ZNF829: variants seen among roughly 807,000 people sequenced by gnomAD.
ZNF829 encodes zinc finger protein 829.
Under a neutral mutation model 35.2 loss-of-function variants are expected in ZNF829, and 25 were observed. That is an observed-to-expected ratio of 0.71 (90% CI 0.52 to 0.99). ZNF829 has a LOEUF of 0.99. Ranked by LOEUF, ZNF829 falls within the 50% of genes least tolerant of loss-of-function variation. The pLI, the probability that ZNF829 is intolerant of heterozygous loss-of-function variation, is 0.00. For synonymous variants in ZNF829, 136 were observed against 163.2 expected (o/e 0.83, Z 1.27); for missense variants, 417 against 515.3 (o/e 0.81, Z 1.85).
intron 3 of ZNF829, among the ~76,000 whole-genome samples, chr19:36,910,999 G>A (rs2073259802): frequency 6.6e-6 from 1 of 152,016 alleles, no homozygotes; most frequent in African/African-American, 2.4e-5. Context: ...AGAGTGAAAC[G>A]CCATCTCAAA....
At chr19:36,910,667 T>A (rs2146249056) in intron 3 of ZNF829, among the ~76,000 whole-genome samples, 1 of 152,274 alleles carries the variant, frequency 6.6e-6, no homozygotes, top group East Asian at 1.9e-4. Flanking sequence ...CCTTGCCCTA[T>A]GCATCTCTTC....
At chr19:36,911,012 CAACA>C (rs1176316337) in intron 3 of ZNF829, among the ~76,000 whole-genome samples, 1 of 151,988 alleles carries the variant, frequency 6.6e-6, no homozygotes. Context: ...ATCTCAAAAC[CAACA>C]AACAAAGAAA....
chr19:36,901,738 C>T (rs944941254), intron 5 of ZNF829: 27 of 504,206 alleles, frequency 5.4e-5, no homozygotes, highest in Non-Finnish European at 9.4e-5. Flanking sequence ...TTGGATCCGG[C>T]AGAATGGCTC....
At chr19:36,901,940 A>G in intron 5 of ZNF829, 4 of 760,812 alleles carry the variant, frequency 5.3e-6, no homozygotes, top group Admixed American at 3.4e-5. Flanking sequence ...CACTGATACC[A>G]GGCTCAACAA....
rs201611021 is a variant in ZNF829, at chr19:36,908,448, C to T, written c.108G>A (p.Met36Ile). 2.2e-4 allele frequency: 344 copies of T among 1,598,872 alleles called. 2 individuals carry two copies. Among genetic ancestry groups the T allele is most frequent in the Non-Finnish European group, 2.8e-4 (324 of 1,174,286 alleles). The change falls in exon 4 of 6, where the codon ATG (methionine) becomes ATA (isoleucine). Residue 36 changes from methionine to isoleucine, a missense_variant. Physicochemically the swap from Met to Ile is conservative, Grantham distance 10. Transcript: ENST00000391711. ...LLQAVSKGPV[M>I]FRDVSIDFSQ... ...AGAAGTCTATGGAAACATCCCTGAA[C>T]ATCACCGGCCCCTGAAACAACAAAC...
intron 5 of ZNF829, 25 bp downstream of exon 5, chr19:36,907,904 T>C: frequency 6.3e-7 from 1 of 1,590,732 alleles, no homozygotes; most frequent in East Asian, 2.2e-5. Flanking sequence ...ATAGCCCTGC[T>C]CCTGAGCCAT....
At chr19:36,897,210 C>A (rs949301329) in intron 5 of ZNF829, among the ~76,000 whole-genome samples, 4 of 152,112 alleles carry the variant, frequency 2.6e-5, no homozygotes, top group Admixed American at 2.0e-4. Context: ...TTCTACAAGG[C>A]CAGCATTACC....
intron 5 of ZNF829, chr19:36,906,547 A>T (rs2073216822): frequency 6.6e-6 from 1 of 152,218 alleles, no homozygotes; most frequent in Admixed American, 6.5e-5. Flanking sequence ...AGAACTGCAA[A>T]TTGGTATAAC....
chr19:36,915,336 G>A lies in ZNF829; in HGVS notation c.-84-85C>T. ...AGAATGCCACATACATTTAGGGACA[G>A]TCACACTTAAGGCGACATGCACGTC... On this transcript the variant is annotated intron_variant, in intron 1 of 5. Transcript: ENST00000391711. The A allele has an allele frequency of 1.3e-5, 19 of 1,482,262 alleles. No homozygotes were observed. In the South Asian group the frequency reaches 1.3e-4, roughly 11 times the overall value. The allele number at this position is 1,482,262 out of a possible 1,614,324, so 91.8% of individuals were successfully genotyped here.
intron 3 of ZNF829, among the ~76,000 whole-genome samples, chr19:36,914,741 G>A (rs920652218): frequency 6.6e-6 from 1 of 152,280 alleles, no homozygotes; most frequent in Admixed American, 6.5e-5. Flanking sequence ...CTAGTTATCT[G>A]AGTGGCTAAA....
chr19:36,903,369 T>G (rs570271632), intron 5 of ZNF829, among the ~76,000 whole-genome samples: 2 of 152,372 alleles, frequency 1.3e-5, no homozygotes, highest in South Asian at 4.1e-4. Flanking sequence ...AGTTATAGTA[T>G]GTGCAGGGCA....
chr19:36,897,776 T>A (rs540629962), intron 5 of ZNF829, among the ~76,000 whole-genome samples: 1 of 152,342 alleles, frequency 6.6e-6, no homozygotes, highest in East Asian at 1.9e-4. Context: ...ACAGATGACA[T>A]GATCTTACAT....
intron 5 of ZNF829, among the ~76,000 whole-genome samples, chr19:36,904,779 T>A (rs57530250): frequency 0.014 from 2,074 of 152,254 alleles, 57 homozygotes; most frequent in African/African-American, 0.047. Context: ...GAAAATTAAT[T>A]ATTTTAAAAT....
chr19:36,900,903 G>A (rs1025835818), intron 5 of ZNF829, among the ~76,000 whole-genome samples: 2 of 151,538 alleles, frequency 1.3e-5, no homozygotes, highest in African/African-American at 4.9e-5. Flanking sequence ...GGAGAAACTG[G>A]AACCATCATA....
At chr19:36,895,462 G>C (rs1280187898) in intron 5 of ZNF829, among the ~76,000 whole-genome samples, 1 of 152,006 alleles carries the variant, frequency 6.6e-6, no homozygotes, top group Admixed American at 6.6e-5. Context: ...AAAGAAAAAG[G>C]ATATAAAACA....
intron 5 of ZNF829, among the ~76,000 whole-genome samples, chr19:36,897,611 G>A (rs546540349): frequency 2.6e-5 from 4 of 152,114 alleles, no homozygotes; most frequent in Admixed American, 6.6e-5. Context: ...GGGAAAAGCC[G>A]AAAGCTTTTC....
At chr19:36,915,104 A>T in intron 2 of ZNF829, 26 bp downstream of exon 2, 1 of 1,614,112 alleles carries the variant, frequency 6.2e-7, no homozygotes, top group Non-Finnish European at 8.5e-7. Flanking sequence ...GTCAAGTAAG[A>T]GTTCTTCCCC....
intron 5 of ZNF829, among the ~76,000 whole-genome samples, chr19:36,904,759 T>C (rs919449691): frequency 5.3e-5 from 8 of 152,102 alleles, no homozygotes; most frequent in African/African-American, 1.9e-4. Flanking sequence ...TGTAAATATA[T>C]TACTTTAATG....
chr19:36,915,068 C>T, intron 2 of ZNF829, 46 bp from the exon 3 acceptor site: 2 of 1,614,020 alleles, frequency 1.2e-6, no homozygotes, highest in Non-Finnish European at 1.7e-6. Context: ...CTGTGAGACA[C>T]CAGGTTTTTC....
Sources: gnomAD v4.1 joint callset for allele counts (sites outside exome capture counted in the v4.1 genomes callset) on GRCh38, gnomAD v4.1.1 for gene constraint, MANE v1.5 for transcripts, NCBI Gene and HGNC (gene_info 2026-07-23, HGNC 2026-07-21) for gene names.